The following SBNO2 variants were observed in gnomAD, a reference collection of about 807,000 sequenced individuals.
SBNO2 encodes protein strawberry notch homolog 2.
SBNO2 carries 89 observed loss-of-function variants against 146.3 expected under a neutral mutation model. That is an observed-to-expected ratio of 0.61 (90% CI 0.51 to 0.73). The LOEUF (loss-of-function observed/expected upper bound fraction) is 0.73. SBNO2 is among the 30% of genes least tolerant of loss of function. The probability of loss-of-function intolerance (pLI) is 0.00; values close to 1 mark genes in which losing one functional copy is unlikely to be tolerated. For missense variants in SBNO2, 2,092 were observed against 2,003.7 expected (o/e 1.04, Z -0.84); for synonymous variants, 1,147 against 892.6 (o/e 1.29, Z -5.08).
intron 11 of SBNO2, 77 bp from the exon 12 acceptor site, chr19:1,120,100 C>T: frequency 8.3e-7 from 1 of 1,202,272 alleles, no homozygotes; most frequent in Non-Finnish European, 1.2e-6. Flanking sequence ...CCACCCAAGA[C>T]CCCACCTTCC....
In SBNO2 at chr19:1,108,231, C is replaced by T. The variant is rs2079696188; in HGVS notation, c.4090G>A (p.Ala1364Thr). 5.2e-6 allele frequency: 8 copies of T among 1,527,008 alleles called. No homozygotes were observed. The highest frequency in any genetic ancestry group is 2.1e-4 in the Middle Eastern group (1 of 4,658). 94.6% of individuals were successfully genotyped at this position (1,527,008 alleles called of 1,614,324 possible). Residue 1364 changes from alanine (A) to threonine (T), a missense_variant, in exon 32 of 32, where the codon GCT becomes ACT. Physicochemically the swap from Ala to Thr is moderately conservative, Grantham distance 58 (BLOSUM62 0). Transcript: ENST00000361757. ...CGCCTAAAGGCGTGTCAGAGAGGAG[C>T]CTGGGCGCCGGGGAAGGGTGGGCTG... ...QFSPPFPGAQ[A>T]PL
chr19:1,149,518 G>A, intron 2 of SBNO2, 76 bp from the exon 3 acceptor site: 1 of 1,385,670 alleles, frequency 7.2e-7, no homozygotes, highest in Non-Finnish European at 1.0e-6. Flanking sequence ...CTCCGGGCAG[G>A]GTGACAGGCC....
Position 1,123,065 on chromosome 19 carries a change from G to C in SBNO2, c.629-20C>G, listed in dbSNP as rs544670564. The C allele has an allele frequency of 5.7e-6, 9 of 1,588,636 alleles. No individual in the cohort carries two copies. Among genetic ancestry groups the C allele is most frequent in the Non-Finnish European group, 6.8e-6 (8 of 1,168,510 alleles). On this transcript the variant is annotated intron_variant, in intron 7 of 31. Transcript: ENST00000361757. ...TCTTGGCTGGAGGAGCAAGGACGGA[G>C]GGCAAGGTAAAGGGTATGGCCAAGG...
At position 1,108,911 on chromosome 19, in the gene SBNO2, G is replaced by A. The variant is rs1351538783; in HGVS notation, c.3484C>T (p.Arg1162Trp). 6.3e-7 allele frequency: 1 copy of A among 1,576,806 alleles called. No homozygotes were observed. The highest frequency in any genetic ancestry group is 8.6e-7 in the Non-Finnish European group (1 of 1,169,198). ...GCGCCGCACAGCATGTAGTGGTGCC[G>A]CAGCCGCAGCCCCTGCAGGCAGTCC... The part of the protein sequence containing the change: ...GKDCLQGLRL[R>W]HHYMLCGALL... The change falls in exon 31 of 32, where the codon CGG (arginine) becomes TGG (tryptophan). Residue 1162 changes from arginine (R) to tryptophan (W), a missense_variant. Transcript: ENST00000361757.
At position 1,150,080 on chromosome 19, in the gene SBNO2, G is replaced by C. The variant is rs1011074517; in HGVS notation, c.94-638C>G. Among the ~76,000 whole-genome samples the C allele has an allele frequency of 2.0e-5, 3 of 152,192 alleles. No individual in the cohort carries two copies. The highest frequency in any genetic ancestry group is 2.9e-5 in the Non-Finnish European group (2 of 68,026). ...GGCCTGGAGGCTCAGCCCGAGGTCA[G>C]TGGAGGCGTGAGTGGCTCCAGGTTG... On this transcript the variant is annotated intron_variant, in intron 2 of 31. Coordinates refer to ENST00000361757, the MANE Select transcript of SBNO2 (RefSeq NM_014963.3). This position sits in a 1 kb window ranked among gnomAD's most constrained non-coding sequence, Gnocchi z 6.2.
At chr19:1,113,031 T>C (rs973637535) in intron 19 of SBNO2, 82 bp from the exon 20 acceptor site, 1 of 1,432,342 alleles carries the variant, frequency 7.0e-7, no homozygotes, top group East Asian at 2.6e-5. Context: ...AGCTTCCCTA[T>C]GTCCTACAGT....
In SBNO2 at chr19:1,108,245, A is replaced by G; in HGVS notation, c.4076T>C (p.Phe1359Ser). The G allele has an allele frequency of 6.6e-7, 1 of 1,526,014 alleles. No homozygotes were observed. The highest frequency in any genetic ancestry group is 2.6e-5 in the East Asian group (1 of 38,150). The allele number at this position is 1,526,014 out of a possible 1,614,324, so 94.5% of individuals were successfully genotyped here. A position where few individuals can be genotyped will look rare whatever the true frequency, so the allele number is the denominator to read the frequency against. Residue 1359 changes from phenylalanine (F) to serine (S), a missense_variant, in exon 32 of 32, where the codon TTC becomes TCC. Coordinates refer to ENST00000361757, the MANE Select transcript of SBNO2 (RefSeq NM_014963.3). ...TCAGAGAGGAGCCTGGGCGCCGGGG[A>G]AGGGTGGGCTGAACTGGATCACGCT... ...RQSVIQFSPP[F>S]PGAQAPL
At chr19:1,149,064 T>C (rs1307035645) in intron 3 of SBNO2, among the ~76,000 whole-genome samples, 2 of 87,564 alleles carry the variant, frequency 2.3e-5, no homozygotes, top group African/African-American at 8.5e-5. Context: ...CTCCCGCCCC[T>C]TCCCATCCTG....
intron 18 of SBNO2, 35 bp downstream of exon 18, chr19:1,114,196 C>A (rs2079802864): frequency 1.4e-6 from 2 of 1,415,726 alleles, no homozygotes; most frequent in Non-Finnish European, 1.9e-6. Context: ...GAATCCTGAC[C>A]CACAGGTGGC....
At chr19:1,147,443 G>C in intron 3 of SBNO2, 23 bp from the exon 4 acceptor site, 9 of 873,908 alleles carry the variant, frequency 1.0e-5, no homozygotes, top group South Asian at 1.6e-5. Flanking sequence ...GGGGGGGGGG[G>C]AGGTGAGATG....
In SBNO2 at chr19:1,136,541, G is replaced by A. The variant is rs1047946274; in HGVS notation, c.280-8776C>T. ...GGCTCCTCCTCCCGGGGGGGCTGTG[G>A]CCTCAGCACAGACCAGGGGACAGAA... On this transcript the variant is annotated intron_variant, in intron 4 of 31. Transcript: ENST00000361757. The surrounding 1 kb of genome is among the most constrained non-coding windows in gnomAD (Gnocchi z 4.2). 6.6e-6 allele frequency among the ~76,000 whole-genome samples: 1 copy of A among 152,238 alleles called. No homozygotes were observed. The highest frequency in any genetic ancestry group is 1.5e-5 in the Non-Finnish European group (1 of 68,042).
intron 11 of SBNO2, among the ~76,000 whole-genome samples, chr19:1,121,080 C>G (rs753795224): frequency 2.6e-5 from 4 of 152,024 alleles, no homozygotes; most frequent in Non-Finnish European, 5.9e-5. Context: ...TTAGTACAGA[C>G]GTGGTTTCAC....
intron 16 of SBNO2, 129 bp downstream of exon 16, chr19:1,116,700 C>T: frequency 1.4e-6 from 1 of 738,716 alleles, no homozygotes; most frequent in Non-Finnish European, 2.1e-6. Flanking sequence ...AGGCTGGGGG[C>T]CCAGCAAAGC....
Position 1,153,496 on chromosome 19 carries a change from C to T in SBNO2, c.93+688G>A, listed in dbSNP as rs1321267207. On this transcript the variant is annotated intron_variant, in intron 2 of 31. Coordinates refer to ENST00000361757, the MANE Select transcript of SBNO2 (RefSeq NM_014963.3). ...TCAAGTGATCTGCCCGCCTTGGCCT[C>T]TGAAAGTGCTAGGATTACAGGCGTG... Among the ~76,000 whole-genome samples, 4 of 151,962 alleles carry T rather than the reference C, an allele frequency of 2.6e-5. No homozygotes were observed. The East Asian group carries it at 7.8e-4, about 30-fold the overall frequency.
chr19:1,134,795 C>G, intron 4 of SBNO2, among the ~76,000 whole-genome samples: 1 of 152,080 alleles, frequency 6.6e-6, no homozygotes, highest in African/African-American at 2.4e-5. Flanking sequence ...CGCCTGTAAT[C>G]CCAGCACTTT....
chr19:1,108,073 G>A lies in SBNO2; in HGVS notation c.*147C>T, dbSNP rs1793615117. ...GGCCCCGCCAGGGCTGACCAGGTGG[G>A]GGCCCGGGTCGGGCGCTGAAGGCAC... On this transcript the variant is annotated 3_prime_UTR_variant, in exon 32 of 32. Coordinates refer to ENST00000361757, the MANE Select transcript of SBNO2 (RefSeq NM_014963.3). The A allele has an allele frequency of 1.1e-6, 1 of 924,634 alleles. No individual in the cohort carries two copies. The highest frequency in any genetic ancestry group is 1.5e-6 in the Non-Finnish European group (1 of 680,866). 57.3% of individuals were successfully genotyped at this position (924,634 alleles called of 1,614,324 possible). A position where few individuals can be genotyped will look rare whatever the true frequency, so the allele number is the denominator to read the frequency against.
chr19:1,145,866 G>A lies in SBNO2; in HGVS notation c.279+1443C>T, dbSNP rs113792964. On this transcript the variant is annotated intron_variant, in intron 4 of 31. Transcript: ENST00000361757. ...CCTCAGCCCCAAGATGAGCAGGGGC[G>A]CCCCCCTCCCCTGAACACAGCTGGT... Among the ~76,000 whole-genome samples, 823 of 152,232 alleles carry A rather than the reference G, an allele frequency of 5.4e-3. 6 individuals carry two copies. The highest frequency in any genetic ancestry group is 7.2e-3 in the Non-Finnish European group (487 of 67,996).
chr19:1,117,941 A>G (rs1255525217), intron 14 of SBNO2, among the ~76,000 whole-genome samples: 1 of 152,210 alleles, frequency 6.6e-6, no homozygotes, highest in Non-Finnish European at 1.5e-5. Context: ...GACTCTGGCC[A>G]CGGATGCTGC....
At chr19:1,151,766 G>C (rs1317335624) in intron 2 of SBNO2, among the ~76,000 whole-genome samples, 2 of 152,276 alleles carry the variant, frequency 1.3e-5, no homozygotes, top group Non-Finnish European at 2.9e-5. Context: ...GAGTTCAAGC[G>C]ATTCTCCTGT....
Sources: allele counts gnomAD v4.1 joint callset (sites outside exome capture counted in the v4.1 genomes callset), GRCh38; gene constraint gnomAD v4.1.1; non-coding constraint Gnocchi (gnomAD v3.1); transcripts MANE v1.5; gene names NCBI Gene and HGNC (gene_info 2026-07-23, HGNC 2026-07-21).